SCFD2: variants seen among roughly 807,000 people sequenced by gnomAD.
The protein encoded by SCFD2 is sec1 family domain-containing protein 2.
A neutral mutation model predicts 58.9 loss-of-function variants in SCFD2; 54 were observed. The ratio of observed to expected loss-of-function variants is 0.92; its 90% CI spans 0.74 to 1.15. The LOEUF (loss-of-function observed/expected upper bound fraction) is 1.15, where lower values mean the gene tolerates loss of function less well. SCFD2 is among the 50% of genes most tolerant of loss of function. SCFD2 has a pLI of 0.00. For synonymous variants in SCFD2, 321 were observed against 335.9 expected (o/e 0.96, Z 0.49); for missense variants, 805 against 836.6 (o/e 0.96, Z 0.47).
At chr4:53,318,907 C>T (rs778084268) in intron 2 of SCFD2, among the ~76,000 whole-genome samples, 3 of 152,170 alleles carry the variant, frequency 2.0e-5, no homozygotes, top group Non-Finnish European at 2.9e-5. Flanking sequence ...TTATCTGAAG[C>T]TCCTTAAATC....
chr4:53,329,017 G>T (rs938428572), intron 2 of SCFD2, among the ~76,000 whole-genome samples: 1 of 152,164 alleles, frequency 6.6e-6, no homozygotes, highest in Admixed American at 6.5e-5. Flanking sequence ...ACTCCCACCC[G>T]AATATTGTGC....
At chr4:53,105,456 G>A (rs1724965355) in intron 5 of SCFD2, among the ~76,000 whole-genome samples, 1 of 152,140 alleles carries the variant, frequency 6.6e-6, no homozygotes, top group Admixed American at 6.5e-5. Flanking sequence ...CTCACTGACA[G>A]CACAGCAGTC....
intron 4 of SCFD2, among the ~76,000 whole-genome samples, chr4:53,247,929 C>T (rs957696133): frequency 4.6e-5 from 7 of 150,844 alleles, no homozygotes; most frequent in African/African-American, 1.7e-4. Flanking sequence ...GCCAAGATGG[C>T]CGAATAGGAA....
intron 5 of SCFD2, among the ~76,000 whole-genome samples, chr4:52,989,731 A>G (rs1167514010): frequency 6.6e-6 from 1 of 152,044 alleles, no homozygotes; most frequent in Non-Finnish European, 1.5e-5. Flanking sequence ...TTTCTTCCCA[A>G]TCTGCCTGAT....
intron 5 of SCFD2, among the ~76,000 whole-genome samples, chr4:52,984,211 G>A (rs1466984165): frequency 6.6e-6 from 1 of 152,198 alleles, no homozygotes; most frequent in Non-Finnish European, 1.5e-5. Context: ...GGCACCTTTT[G>A]TAAAACTCTG....
chr4:53,048,946 C>CAAAT (rs893658211), intron 5 of SCFD2, among the ~76,000 whole-genome samples: 24 of 151,920 alleles, frequency 1.6e-4, no homozygotes, highest in African/African-American at 2.7e-4. Flanking sequence ...GACCTAGTCT[C>CAAAT]AAATAAATAA....
At chr4:53,003,496 G>A (rs1721908610) in intron 5 of SCFD2, among the ~76,000 whole-genome samples, 1 of 152,208 alleles carries the variant, frequency 6.6e-6, no homozygotes. Context: ...CTCACAGAAT[G>A]TTCTACGAGA....
At chr4:53,094,065 A>G (rs114952520) in intron 5 of SCFD2, among the ~76,000 whole-genome samples, 1,732 of 152,284 alleles carry the variant, frequency 0.011, 17 homozygotes, top group Middle Eastern at 0.034. Flanking sequence ...GTTTAAGACC[A>G]CTTCCAGCAT....
intron 5 of SCFD2, among the ~76,000 whole-genome samples, chr4:53,078,571 C>T (rs575914912): frequency 4.5e-4 from 69 of 152,284 alleles, no homozygotes; most frequent in Admixed American, 7.9e-4. Flanking sequence ...GGCATTGACT[C>T]TATGCGCTAG....
chr4:53,298,652 G>C (rs1407732448), intron 3 of SCFD2, among the ~76,000 whole-genome samples: 1 of 152,180 alleles, frequency 6.6e-6, no homozygotes, highest in Non-Finnish European at 1.5e-5. Context: ...GCCTCCTCAA[G>C]TGGGTCCTTG....
intron 5 of SCFD2, among the ~76,000 whole-genome samples, chr4:53,136,421 G>C (rs1476724419): frequency 1.3e-5 from 2 of 152,088 alleles, no homozygotes; most frequent in Non-Finnish European, 2.9e-5. Flanking sequence ...TATGCCTTAT[G>C]ACTCCTTTTA....
chr4:53,258,688 G>A (rs1730735823), intron 4 of SCFD2, among the ~76,000 whole-genome samples: 1 of 151,594 alleles, frequency 6.6e-6, no homozygotes, highest in South Asian at 2.1e-4. Context: ...AACCATGCAT[G>A]TGTGTGCAAG....
intron 4 of SCFD2, among the ~76,000 whole-genome samples, chr4:53,264,039 G>A (rs1475684608): frequency 6.6e-6 from 1 of 152,160 alleles, no homozygotes; most frequent in South Asian, 2.1e-4. Flanking sequence ...GATTATAGCT[G>A]CCTCTGCTGA....
At chr4:53,269,762 C>T (rs1453839549) in intron 4 of SCFD2, among the ~76,000 whole-genome samples, 1 of 152,222 alleles carries the variant, frequency 6.6e-6, no homozygotes, top group African/African-American at 2.4e-5. Context: ...TGCAGTGGCT[C>T]ATGCCTGTAA....
At chr4:53,177,524 A>G (rs1286267026) in intron 4 of SCFD2, among the ~76,000 whole-genome samples, 1 of 152,200 alleles carries the variant, frequency 6.6e-6, no homozygotes, top group Non-Finnish European at 1.5e-5. Context: ...GAAAAGGAGG[A>G]CTGGGAGAGG....
intron 2 of SCFD2, among the ~76,000 whole-genome samples, chr4:53,317,585 A>G (rs1289105685): frequency 6.6e-6 from 1 of 152,276 alleles, no homozygotes; most frequent in Non-Finnish European, 1.5e-5. Context: ...GTAAATCTTT[A>G]TCATCTCCAA....
chr4:53,064,986 G>T (rs1253624781), intron 5 of SCFD2, among the ~76,000 whole-genome samples: 3 of 152,118 alleles, frequency 2.0e-5, no homozygotes, highest in Non-Finnish European at 4.4e-5. Flanking sequence ...TCACCAGAAT[G>T]TGTGCTTTAT....
intron 4 of SCFD2, among the ~76,000 whole-genome samples, chr4:53,213,614 T>C (rs866512826): frequency 6.6e-6 from 1 of 152,040 alleles, no homozygotes; most frequent in Middle Eastern, 3.4e-3. Context: ...CTTCAAAGAG[T>C]TCTTCAAATT....
chr4:53,134,810 G>A (rs1389406664), intron 5 of SCFD2, among the ~76,000 whole-genome samples: 2 of 152,114 alleles, frequency 1.3e-5, no homozygotes, highest in Non-Finnish European at 2.9e-5. Context: ...AATGCAGAAG[G>A]CCCAGTGTCA....
Sources: allele counts gnomAD v4.1 joint callset (sites outside exome capture counted in the v4.1 genomes callset), GRCh38; gene constraint gnomAD v4.1.1; transcripts MANE v1.5; gene names NCBI Gene and HGNC (gene_info 2026-07-23, HGNC 2026-07-21).